TIAM1: variants seen among roughly 807,000 people sequenced by gnomAD.
The protein encoded by TIAM1 is TIAM Rac1 associated GEF 1.
In TIAM1, 65 loss-of-function variants were observed where a neutral mutation model predicts 163.5. The ratio of observed to expected loss-of-function variants is 0.40; its 90% CI spans 0.33 to 0.49. The LOEUF (loss-of-function observed/expected upper bound fraction) is 0.49, where lower values mean the gene tolerates loss of function less well. TIAM1 is among the 20% of genes least tolerant of loss of function. The pLI, the probability that TIAM1 is intolerant of heterozygous loss-of-function variation, is 0.77. For synonymous variants in TIAM1, 833 were observed against 810.1 expected (o/e 1.03, Z -0.48); for missense variants, 1,789 against 2,044.7 (o/e 0.87, Z 2.41).
At chr21:31,483,902 G>C (rs7280029) in intron 1 of TIAM1, among the ~76,000 whole-genome samples, 89,801 of 151,900 alleles carry the variant, frequency 0.59, 27,422 homozygotes, top group African/African-American at 0.71. Flanking sequence ...GAAAAGGAGT[G>C]AGAAAATCCA....
chr21:31,542,354 G>C (rs1162465478), intron 1 of TIAM1, among the ~76,000 whole-genome samples: 1 of 151,934 alleles, frequency 6.6e-6, no homozygotes, highest in African/African-American at 2.4e-5. Context: ...GTGAACCCAG[G>C]AGGAGGAGCT....
chr21:31,157,094 T>C (rs2083659907), intron 16 of TIAM1, among the ~76,000 whole-genome samples: 1 of 152,208 alleles, frequency 6.6e-6, no homozygotes, highest in Non-Finnish European at 1.5e-5. Context: ...GGCTAATTGA[T>C]ACAAACAAGT....
At chr21:31,315,514 CA>C (rs11368055) in intron 2 of TIAM1, among the ~76,000 whole-genome samples, 81 of 141,134 alleles carry the variant, frequency 5.7e-4, no homozygotes, top group Non-Finnish European at 4.8e-4. Context: ...GACTCCCTCT[CA>C]AAAAAAAAAA....
intron 2 of TIAM1, among the ~76,000 whole-genome samples, chr21:31,313,658 T>A (rs1045200104): frequency 6.6e-6 from 1 of 152,172 alleles, no homozygotes; most frequent in African/African-American, 2.4e-5. Context: ...CACCGCAACC[T>A]CCACCTCCCA....
chr21:31,451,720 T>TGTGC lies in TIAM1; in HGVS notation c.-369+12262_-369+12263insGCAC, dbSNP rs1555985582. 1.7e-4 allele frequency among the ~76,000 whole-genome samples: 4 copies of TGTGC among 22,898 alleles called. No individual in the cohort carries two copies. In the South Asian group the frequency reaches 3.5e-3, roughly 20 times the overall value. The allele number at this position is 22,898 out of a possible 152,430, so 15.0% of individuals were successfully genotyped here. On this transcript the variant is annotated intron_variant, in intron 2 of 28. Transcript: ENST00000286827. ...GGCTGAGTGAAAGCATGTGTGTGCG[T>TGTGC]GTGTGTGTGTGTGTGTGTGTGTGTG...
At chr21:31,550,667 T>G (rs894443759) in intron 1 of TIAM1, among the ~76,000 whole-genome samples, 1 of 151,968 alleles carries the variant, frequency 6.6e-6, no homozygotes. Context: ...ATAAAAACAA[T>G]CTATAGAGAA....
intron 2 of TIAM1, among the ~76,000 whole-genome samples, chr21:31,277,778 G>A (rs1229515887): frequency 6.6e-6 from 1 of 152,090 alleles, no homozygotes; most frequent in Non-Finnish European, 1.5e-5. Context: ...GACTCTCCCT[G>A]AATTCTTTCT....
At chr21:31,357,122 G>C (rs530167620) in intron 2 of TIAM1, among the ~76,000 whole-genome samples, 57 of 152,098 alleles carry the variant, frequency 3.7e-4, no homozygotes, top group African/African-American at 1.4e-3. Context: ...GTTCACACCT[G>C]TACCCAGACA....
intron 1 of TIAM1, among the ~76,000 whole-genome samples, chr21:31,524,077 T>C (rs1602487528): frequency 6.6e-6 from 1 of 150,850 alleles, no homozygotes; most frequent in African/African-American, 2.4e-5. Flanking sequence ...AATGCTCAGG[T>C]GAAAAAAAAG....
chr21:31,153,174 A>AT (rs1568928960), intron 17 of TIAM1, 40 bp from the exon 18 acceptor site: 7 of 1,499,838 alleles, frequency 4.7e-6, no homozygotes, highest in Non-Finnish European at 6.4e-6. Context: ...TATGTGTTTT[A>AT]TTTTTTATAT....
At chr21:31,258,395 G>T (rs1047350039) in intron 4 of TIAM1, among the ~76,000 whole-genome samples, 2 of 152,222 alleles carry the variant, frequency 1.3e-5, no homozygotes, top group African/African-American at 4.8e-5. Flanking sequence ...CTCAACTAAA[G>T]TTGAGGTGAC....
At chr21:31,293,147 T>G (rs1232770993) in intron 2 of TIAM1, among the ~76,000 whole-genome samples, 2 of 152,024 alleles carry the variant, frequency 1.3e-5, no homozygotes, top group Non-Finnish European at 2.9e-5. Flanking sequence ...AAGAATTGGC[T>G]CATGCATTTG....
intron 25 of TIAM1, among the ~76,000 whole-genome samples, chr21:31,129,683 C>T (rs573028813): frequency 1.1e-4 from 17 of 152,192 alleles, no homozygotes; most frequent in African/African-American, 4.1e-4. Flanking sequence ...AAATTAAAAT[C>T]AATGTAAAAA....
chr21:31,256,779 C>G (rs2072135177), intron 4 of TIAM1, among the ~76,000 whole-genome samples: 1 of 152,142 alleles, frequency 6.6e-6, no homozygotes, highest in Non-Finnish European at 1.5e-5. Context: ...GGGAGAGCAA[C>G]ACATCTACTT....
chr21:31,400,993 G>A (rs1183957502), intron 2 of TIAM1, among the ~76,000 whole-genome samples: 1 of 151,896 alleles, frequency 6.6e-6, no homozygotes, highest in Non-Finnish European at 1.5e-5. Context: ...CAGGAGGCTG[G>A]GCAACAAGAG....
At chr21:31,334,850 C>T (rs1041131259) in intron 2 of TIAM1, among the ~76,000 whole-genome samples, 10 of 152,290 alleles carry the variant, frequency 6.6e-5, no homozygotes, top group East Asian at 1.9e-4. Context: ...CCAGCCTTTC[C>T]GGAGGTGAGC....
At chr21:31,421,728 G>A (rs1185071650) in intron 2 of TIAM1, among the ~76,000 whole-genome samples, 3 of 152,246 alleles carry the variant, frequency 2.0e-5, no homozygotes, top group Non-Finnish European at 2.9e-5. Flanking sequence ...CAGTGGCCAC[G>A]CCTATAATCC....
chr21:31,122,569 T>C (rs924719612), intron 27 of TIAM1, among the ~76,000 whole-genome samples: 3 of 152,350 alleles, frequency 2.0e-5, no homozygotes, highest in Middle Eastern at 3.4e-3. Context: ...AGAATATAGA[T>C]GGTAGGTATG....
At chr21:31,246,752 C>G (rs1287083328) in intron 5 of TIAM1, among the ~76,000 whole-genome samples, 1 of 152,182 alleles carries the variant, frequency 6.6e-6, no homozygotes, top group Non-Finnish European at 1.5e-5. Flanking sequence ...TTTCACATTA[C>G]CACAGAATAG....
Sources: gnomAD v4.1 joint callset for allele counts (sites outside exome capture counted in the v4.1 genomes callset) on GRCh38, gnomAD v4.1.1 for gene constraint, MANE v1.5 for transcripts, NCBI Gene and HGNC (gene_info 2026-07-23, HGNC 2026-07-21) for gene names.